GPC5: variants seen among roughly 807,000 people sequenced by gnomAD.
GPC5 encodes the protein glypican 5.
In GPC5, 47 loss-of-function variants were observed where a neutral mutation model predicts 53.9. The observed-to-expected ratio is 0.87, with a 90% CI of 0.69 to 1.11. The LOEUF is 1.11. Among genes scored for constraint, GPC5 ranks in the 50% most tolerant of loss-of-function variants. The pLI is 0.00. For missense variants in GPC5, 748 were observed against 713.1 expected (o/e 1.05, Z -0.56); for synonymous variants, 286 against 263.3 (o/e 1.09, Z -0.84).
chr13:92,084,178 T>C (rs2041318593), intron 6 of GPC5, among the ~76,000 whole-genome samples: 1 of 152,144 alleles, frequency 6.6e-6, no homozygotes, highest in African/African-American at 2.4e-5. Context: ...ACAGGGGCCT[T>C]GACACCGAGG....
intron 7 of GPC5, among the ~76,000 whole-genome samples, chr13:92,791,619 T>A (rs1183508683): frequency 6.6e-6 from 1 of 151,814 alleles, no homozygotes; most frequent in Non-Finnish European, 1.5e-5. Context: ...AATAACATAC[T>A]CCTCCTAGAA....
At chr13:92,162,206 T>C (rs541728466) in intron 7 of GPC5, among the ~76,000 whole-genome samples, 1 of 151,864 alleles carries the variant, frequency 6.6e-6, no homozygotes, top group South Asian at 2.1e-4. Flanking sequence ...CAAATTAGAG[T>C]CACTTACAGC....
chr13:91,757,866 A>T, intron 5 of GPC5, among the ~76,000 whole-genome samples: 1 of 152,142 alleles, frequency 6.6e-6, no homozygotes, highest in African/African-American at 2.4e-5. Context: ...TATTTAGCAA[A>T]TTAACTTTGC....
chr13:91,508,115 T>C (rs1192715107), intron 2 of GPC5, among the ~76,000 whole-genome samples: 2 of 152,166 alleles, frequency 1.3e-5, no homozygotes, highest in Non-Finnish European at 2.9e-5. Flanking sequence ...CATTATCAGA[T>C]ACCAAAATAC....
chr13:92,294,604 T>A (rs2043020620), intron 7 of GPC5, among the ~76,000 whole-genome samples: 1 of 152,092 alleles, frequency 6.6e-6, no homozygotes, highest in Non-Finnish European at 1.5e-5. Flanking sequence ...CTTTCTTGGT[T>A]AATCTTGTTA....
At chr13:92,364,415 T>C (rs2043591759) in intron 7 of GPC5, among the ~76,000 whole-genome samples, 1 of 151,804 alleles carries the variant, frequency 6.6e-6, no homozygotes, top group Non-Finnish European at 1.5e-5. Flanking sequence ...TTTGTACTTT[T>C]GAGATTTAGC....
chr13:92,139,772 G>A (rs983637337), intron 6 of GPC5, among the ~76,000 whole-genome samples: 3 of 151,260 alleles, frequency 2.0e-5, no homozygotes, highest in Admixed American at 6.6e-5. Context: ...TAAAACCAAA[G>A]TTTTTCTAGA....
chr13:92,335,888 A>G (rs141751293), intron 7 of GPC5, among the ~76,000 whole-genome samples: 1 of 152,224 alleles, frequency 6.6e-6, no homozygotes, highest in Admixed American at 6.5e-5. Context: ...AAACTTTCCA[A>G]CCTCTTCATG....
rs553302846 is a variant in GPC5 at position 91,967,597 on chromosome 13, A to G, written c.1401+59540A>G. ...AACTCATATGCTTTTACTAATGATC[A>G]TAAAGTTTCTAAAATTATAAATGCT... On this transcript the variant is annotated intron_variant, in intron 6 of 7. Transcript: ENST00000377067. 1.9e-4 allele frequency among the ~76,000 whole-genome samples: 29 copies of G among 152,176 alleles called. No individual in the cohort carries two copies. In the South Asian group the frequency reaches 5.8e-3, roughly 30 times the overall value.
chr13:92,624,094 A>G (rs996104965), intron 7 of GPC5, among the ~76,000 whole-genome samples: 2 of 100,368 alleles, frequency 2.0e-5, no homozygotes, highest in African/African-American at 7.8e-5. Flanking sequence ...TTTTTTTTTT[A>G]GATGAAGTCT....
rs188492710 is a variant in GPC5 at position 91,787,350 on chromosome 13, T to C, written c.1280+30930T>C. Among the ~76,000 whole-genome samples, 759 of 152,298 alleles carry C rather than the reference T, an allele frequency of 5.0e-3. 3 individuals are homozygous for C. Among genetic ancestry groups the C allele is most frequent in the African/African-American group, 0.017 (716 of 41,578 alleles). On this transcript the variant is annotated intron_variant, in intron 5 of 7. Transcript: ENST00000377067. ...TATATGGTCTCATATGAACCTTTTA[T>C]GAGATTCTTAGTTTGCTTAGAGTTT...
intron 4 of GPC5, among the ~76,000 whole-genome samples, chr13:91,742,833 G>T (rs2036965193): frequency 6.6e-6 from 1 of 152,018 alleles, no homozygotes; most frequent in Non-Finnish European, 1.5e-5. Context: ...TATGATATTT[G>T]CTGTCAACCT....
chr13:91,410,004 C>T (rs1427026737), intron 1 of GPC5, among the ~76,000 whole-genome samples: 1 of 152,180 alleles, frequency 6.6e-6, no homozygotes, highest in African/African-American at 2.4e-5. Flanking sequence ...GGATAATGGC[C>T]TGTGGTCACA....
At chr13:92,660,539 T>A (rs1172166254) in intron 7 of GPC5, among the ~76,000 whole-genome samples, 1 of 151,618 alleles carries the variant, frequency 6.6e-6, no homozygotes, top group East Asian at 1.9e-4. Flanking sequence ...ATAATACTAA[T>A]ATAAAATTAT....
chr13:92,671,220 C>A (rs1426625711), intron 7 of GPC5, among the ~76,000 whole-genome samples: 2 of 151,848 alleles, frequency 1.3e-5, no homozygotes, highest in Non-Finnish European at 2.9e-5. Context: ...GTAAAAAAAA[C>A]ATTCCGAAAT....
intron 5 of GPC5, among the ~76,000 whole-genome samples, chr13:91,868,741 G>A (rs1260951020): frequency 6.6e-6 from 1 of 152,066 alleles, no homozygotes. Context: ...AGCTGAAAAA[G>A]AACACAAAAA....
chr13:92,453,409 T>C (rs548189824), intron 7 of GPC5, among the ~76,000 whole-genome samples: 2 of 152,060 alleles, frequency 1.3e-5, no homozygotes, highest in South Asian at 2.1e-4. Flanking sequence ...GGAAAATAGG[T>C]TGAACTGAAA....
At chr13:91,958,571 C>T (rs1594687881) in intron 6 of GPC5, among the ~76,000 whole-genome samples, 1 of 152,122 alleles carries the variant, frequency 6.6e-6, no homozygotes, top group East Asian at 1.9e-4. Flanking sequence ...CTACAGAATA[C>T]TCATTCTTCT....
At chr13:92,000,306 G>C (rs918247036) in intron 6 of GPC5, among the ~76,000 whole-genome samples, 5 of 151,894 alleles carry the variant, frequency 3.3e-5, no homozygotes, top group African/African-American at 4.8e-5. Context: ...GAGGAAAATA[G>C]AAACAAAAGA....
Sources: gnomAD v4.1 joint callset for allele counts (sites outside exome capture counted in the v4.1 genomes callset) on GRCh38, gnomAD v4.1.1 for gene constraint, MANE v1.5 for transcripts, NCBI Gene and HGNC (gene_info 2026-07-23, HGNC 2026-07-21) for gene names.